Variants in TMEM26 observed in about 807,000 individuals in gnomAD.
TMEM26 encodes the protein transmembrane protein 26.
In TMEM26, 38 loss-of-function variants were observed where a neutral mutation model predicts 28.8. The observed-to-expected ratio is 1.32, with a 90% CI of 1.02 to 1.73. The LOEUF (loss-of-function observed/expected upper bound fraction) is 1.73, where lower values mean the gene tolerates loss of function less well. Among genes scored for constraint, TMEM26 ranks in the 40% most tolerant of loss-of-function variants. The pLI, the probability that TMEM26 is intolerant of heterozygous loss-of-function variation, is 0.00. For synonymous variants in TMEM26, 227 were observed against 182.9 expected (o/e 1.24, Z -1.95); for missense variants, 518 against 447.1 (o/e 1.16, Z -1.43).
intron 1 of TMEM26, among the ~76,000 whole-genome samples, chr10:61,441,278 G>T (rs955826229): frequency 6.6e-6 from 1 of 151,996 alleles, no homozygotes; most frequent in Admixed American, 6.6e-5. Flanking sequence ...CTCTGTTGCT[G>T]GTTTGAATAA....
chr10:61,437,209 C>T (rs1367215806), intron 1 of TMEM26, among the ~76,000 whole-genome samples: 2 of 152,078 alleles, frequency 1.3e-5, no homozygotes, highest in African/African-American at 4.8e-5. Flanking sequence ...TGGATTGGGA[C>T]CCTACCTTTA....
chr10:61,453,024 A>T lies in TMEM26; in HGVS notation c.58T>A (p.Ser20Thr), dbSNP rs781028513. 3.1e-6 allele frequency: 5 copies of T among 1,613,766 alleles called. No individual in the cohort carries two copies. The highest frequency in any genetic ancestry group is 1.7e-5 in the Admixed American group (1 of 60,000). Reference protein sequence around the residue: ...LATRLLFLLHSLVGVWRVTEV... With the variant: ...LATRLLFLLHTLVGVWRVTEV... The stretch of plus-strand genomic sequence containing the variant: ...GTCACTCGCCAGACCCCGACCAGCG[A>T]GTGCAGCAGGAACAGCAACCGAGTG... Residue 20 changes from serine (S) to threonine (T), a missense_variant, in exon 1 of 6, where the codon TCG becomes ACG. Transcript: ENST00000399298.
rs367837185 is a variant in TMEM26 at position 61,410,364 on chromosome 10, C to T, written c.1065G>A (p.Arg355=). The T allele has an allele frequency of 4.3e-5, 69 of 1,613,866 alleles. No homozygotes were observed. The highest frequency in any genetic ancestry group is 1.6e-4 in the Middle Eastern group (1 of 6,084). The change falls in exon 6 of 6, where the codon CGG becomes CGA. Residue 355 remains arginine, a synonymous_variant. Coordinates refer to ENST00000399298, the MANE Select transcript of TMEM26 (RefSeq NM_178505.8). ...ESKEGLAIPL[R]GSPVTSDDSH... is the part of the protein sequence containing the mutation. ...AGTCGTCGGAGGTGACTGGGGAGCC[C>T]CGCAAAGGAATAGCCAGGCCCTCCT...
Position 61,439,558 on chromosome 10 carries a change from G to A in TMEM26, c.192-3310C>T, listed in dbSNP as rs543007412. Among the ~76,000 whole-genome samples, 5 of 152,290 alleles carry A rather than the reference G, an allele frequency of 3.3e-5. No homozygotes were observed. In the South Asian group the frequency reaches 1.0e-3, roughly 32 times the overall value. On this transcript the variant is annotated intron_variant, in intron 1 of 5. Transcript: ENST00000399298. ...GTAACCTCTTCCAGCTATGAACCTT[G>A]AATTATTATATGTTAGTGAGACCCT...
intron 1 of TMEM26, among the ~76,000 whole-genome samples, chr10:61,440,404 C>T (rs1353239001): frequency 1.3e-5 from 2 of 151,630 alleles, no homozygotes; most frequent in African/African-American, 4.8e-5. Context: ...AGCATTTGCC[C>T]ATCACTACCT....
At chr10:61,436,376 A>C (rs1915440) in intron 1 of TMEM26, 128 bp from the exon 2 acceptor site, 210,861 of 525,628 alleles carry the variant, frequency 0.4, 46,091 homozygotes, top group African/African-American at 0.69. Flanking sequence ...TTTTCGTATA[A>C]CTTCAAAGTG....
intron 4 of TMEM26, among the ~76,000 whole-genome samples, chr10:61,426,489 A>G (rs1402433666): frequency 1.3e-5 from 2 of 152,082 alleles, no homozygotes; most frequent in African/African-American, 4.8e-5. Flanking sequence ...AATCCATAAA[A>G]CTTAGGTAGA....
At chr10:61,423,490 T>C (rs1012592408) in intron 4 of TMEM26, among the ~76,000 whole-genome samples, 1 of 152,202 alleles carries the variant, frequency 6.6e-6, no homozygotes, top group Non-Finnish European at 1.5e-5. Context: ...ACATCTATAA[T>C]CCTATCACTT....
intron 1 of TMEM26, among the ~76,000 whole-genome samples, chr10:61,446,421 C>G (rs1181782002): frequency 1.3e-5 from 2 of 152,180 alleles, no homozygotes; most frequent in East Asian, 3.9e-4. Flanking sequence ...TCAGATATCT[C>G]AATAAAGCAG....
intron 4 of TMEM26, among the ~76,000 whole-genome samples, chr10:61,422,245 A>T (rs1051606426): frequency 2.6e-5 from 4 of 152,148 alleles, no homozygotes; most frequent in Non-Finnish European, 5.9e-5. Flanking sequence ...GAATCAATAG[A>T]ACAAATAGAC....
chr10:61,426,371 A>G (rs1839832436), intron 4 of TMEM26, among the ~76,000 whole-genome samples: 1 of 152,178 alleles, frequency 6.6e-6, no homozygotes, highest in Non-Finnish European at 1.5e-5. Flanking sequence ...TAATTACTAA[A>G]TATCATTAAA....
At chr10:61,426,023 G>C (rs932348528) in intron 4 of TMEM26, among the ~76,000 whole-genome samples, 1 of 152,028 alleles carries the variant, frequency 6.6e-6, no homozygotes. Flanking sequence ...ATATGAAAAA[G>C]CTGGAAGTTA....
intron 1 of TMEM26, among the ~76,000 whole-genome samples, chr10:61,448,311 G>A (rs1406835610): frequency 6.6e-6 from 1 of 152,208 alleles, no homozygotes; most frequent in Non-Finnish European, 1.5e-5. Flanking sequence ...TGAACTGCTG[G>A]AGTGAGTAAG....
At chr10:61,440,391 T>C (rs1224709609) in intron 1 of TMEM26, among the ~76,000 whole-genome samples, 2 of 152,134 alleles carry the variant, frequency 1.3e-5, no homozygotes, top group African/African-American at 2.4e-5. Context: ...ATGGTTTGCA[T>C]GGAGCATTTG....
rs562774423 is a variant in TMEM26, at chr10:61,418,820, G to C, written c.606-5285C>G. On this transcript the variant is annotated intron_variant, in intron 4 of 5. Transcript: ENST00000399298. Reference sequence around the variant, plus strand: ...AAGGGCTAGATGAGTACTCCTGTAGGCTTGGCTGACTGAGAAACTGCAGGC... The same window carrying C: ...AAGGGCTAGATGAGTACTCCTGTAGCCTTGGCTGACTGAGAAACTGCAGGC... Among the ~76,000 whole-genome samples the C allele has an allele frequency of 7.2e-5, 11 of 152,172 alleles. No homozygotes were observed. The South Asian group carries it at 1.9e-3, about 26-fold the overall frequency.
Position 61,410,324 on chromosome 10 carries a change from A to G in TMEM26, c.1105T>C (p.Ter369GlnextTer38). ...VTSDDSHHTP[*>Q] ...CGCAGACCACTGTCAATCAATAACTAAGGGGTGTGGTGGGAGTCGTCGGAG... is the reference window on the plus strand; with the variant it reads ...CGCAGACCACTGTCAATCAATAACTGAGGGGTGTGGTGGGAGTCGTCGGAG... Residue 369 changes from the stop codon to glutamine, a stop_lost, in exon 6 of 6, where the codon TAG becomes CAG. Transcript: ENST00000399298. 1 of 1,607,578 alleles carries G rather than the reference A, an allele frequency of 6.2e-7. No homozygotes were observed. Among genetic ancestry groups the G allele is most frequent in the South Asian group, 1.1e-5 (1 of 90,316 alleles).
chr10:61,423,791 G>A (rs760653229), intron 4 of TMEM26, among the ~76,000 whole-genome samples: 1 of 152,062 alleles, frequency 6.6e-6, no homozygotes, highest in Non-Finnish European at 1.5e-5. Flanking sequence ...GGAAGTCAAG[G>A]TTGGTTTAAT....
At chr10:61,423,238 G>A (rs1839777219) in intron 4 of TMEM26, among the ~76,000 whole-genome samples, 1 of 152,122 alleles carries the variant, frequency 6.6e-6, no homozygotes, top group African/African-American at 2.4e-5. Context: ...ACTTGGTCCA[G>A]ATAGCTCCCT....
rs75544453 is a variant in TMEM26 at position 61,429,885 on chromosome 10, G to A, written c.385-739C>T. Reference sequence around the variant, plus strand: ...TACTATTGCCCCTACAAGGACTTAGGTCTCAAGTGGATAATGATTCCAACT... The same window carrying A: ...TACTATTGCCCCTACAAGGACTTAGATCTCAAGTGGATAATGATTCCAACT... On this transcript the variant is annotated intron_variant, in intron 3 of 5. Coordinates refer to ENST00000399298, the MANE Select transcript of TMEM26 (RefSeq NM_178505.8). 6.2e-3 allele frequency among the ~76,000 whole-genome samples: 941 copies of A among 152,072 alleles called. 8 individuals carry two copies. The highest frequency in any genetic ancestry group is 0.021 in the African/African-American group (885 of 41,502).
Sources: allele counts gnomAD v4.1 joint callset (sites outside exome capture counted in the v4.1 genomes callset), GRCh38; gene constraint gnomAD v4.1.1; transcripts MANE v1.5; gene names NCBI Gene and HGNC (gene_info 2026-07-23, HGNC 2026-07-21).